GREB1L: variants seen among roughly 807,000 people sequenced by gnomAD.
GREB1L encodes the protein GREB1 like retinoic acid receptor coactivator.
GREB1L carries 17 observed loss-of-function variants against 200.8 expected under a neutral mutation model. The ratio of observed to expected loss-of-function variants is 0.08; its 90% confidence interval spans 0.06 to 0.13. GREB1L has a LOEUF of 0.13. GREB1L is among the 10% of genes least tolerant of loss of function. The pLI, the probability that GREB1L is intolerant of heterozygous loss-of-function variation, is 1.00. For missense variants in GREB1L, 1,657 were observed against 2,367.7 expected, an observed-to-expected ratio of 0.70 and a Z score of 6.23; for synonymous variants, 789 against 893.0, an observed-to-expected ratio of 0.88 and a Z score of 2.08.
chr18:21,491,173 G>T (rs1369381638), intron 19 of GREB1L, among the ~76,000 whole-genome samples: 2 of 152,168 alleles, frequency 1.3e-5, no homozygotes, highest in East Asian at 3.8e-4. Flanking sequence ...TGTCGGTATG[G>T]AACTGAGCTA....
chr18:21,359,628 C>T (rs2039554230), intron 1 of GREB1L, among the ~76,000 whole-genome samples: 4 of 152,166 alleles, frequency 2.6e-5, no homozygotes, highest in Non-Finnish European at 4.4e-5. Context: ...TGAGGAACTG[C>T]GTCTCATCTC....
chr18:21,347,563 C>G (rs940403027), intron 1 of GREB1L, among the ~76,000 whole-genome samples: 3 of 151,412 alleles, frequency 2.0e-5, no homozygotes, highest in Non-Finnish European at 4.4e-5. Context: ...TCAAACAATT[C>G]TCCTGCCTCA....
chr18:21,411,976 C>T (rs1200598518), intron 7 of GREB1L, among the ~76,000 whole-genome samples: 6 of 138,598 alleles, frequency 4.3e-5, no homozygotes, highest in African/African-American at 1.4e-4. Flanking sequence ...ACCCGGGAAG[C>T]GGAGCTTGCA....
In GREB1L at chr18:21,477,191, C is replaced by G. The variant is rs758423934; in HGVS notation, c.2391C>G (p.Ser797Arg). Reference protein sequence around the residue: ...TSVISGSLSHSEPSHGLADRV... With the variant: ...TSVISGSLSHREPSHGLADRV... ...TCATTTCAGGCTCTTTGTCACATAG[C>G]GAACCCAGTCATGGGCTAGCTGATA... The change falls in exon 17 of 33, where the codon AGC becomes AGG. Residue 797 changes from serine to arginine, a missense_variant. By Grantham distance (110) the Ser-to-Arg change is moderately radical. Around this residue, in one of 9 missense-constraint regions of GREB1L, gnomAD observed 239 missense variants for 421.8 expected, o/e 0.57. Transcript: ENST00000424526. The G allele has an allele frequency of 6.4e-7, 1 of 1,551,538 alleles. No individual in the cohort carries two copies. The highest frequency in any genetic ancestry group is 1.2e-5 in the South Asian group (1 of 83,948).
intron 7 of GREB1L, among the ~76,000 whole-genome samples, chr18:21,430,029 T>A (rs1022224869): frequency 6.6e-6 from 1 of 152,146 alleles, no homozygotes; most frequent in African/African-American, 2.4e-5. Context: ...TGGCCTTTCC[T>A]CTGTGTATGG....
intron 1 of GREB1L, among the ~76,000 whole-genome samples, chr18:21,329,104 GC>G (rs1019727021): frequency 1.3e-5 from 2 of 152,078 alleles, no homozygotes; most frequent in African/African-American, 4.8e-5. Flanking sequence ...CAGGCAGATT[GC>G]TTGAGGCTGG....
intron 1 of GREB1L, among the ~76,000 whole-genome samples, chr18:21,259,618 T>A (rs2037858079): frequency 6.6e-6 from 1 of 152,112 alleles, no homozygotes; most frequent in African/African-American, 2.4e-5. Flanking sequence ...AAGGTGTTTT[T>A]TGTCCTGTTT....
chr18:21,392,087 G>C (rs1009573858), intron 4 of GREB1L, among the ~76,000 whole-genome samples: 3 of 152,244 alleles, frequency 2.0e-5, no homozygotes, highest in Non-Finnish European at 2.9e-5. Context: ...TGGGATTACA[G>C]GCGTGAGCCA....
intron 1 of GREB1L, among the ~76,000 whole-genome samples, chr18:21,340,534 TTTTC>T: frequency 6.6e-6 from 1 of 152,026 alleles, no homozygotes; most frequent in South Asian, 2.1e-4. Context: ...AACCAAGATT[TTTTC>T]TTTCTTTTTT....
chr18:21,274,983 C>T (rs1490194134), intron 1 of GREB1L, among the ~76,000 whole-genome samples: 2 of 151,872 alleles, frequency 1.3e-5, no homozygotes, highest in Non-Finnish European at 2.9e-5. Context: ...TGGCTCATGC[C>T]TGTAATCCAG....
intron 1 of GREB1L, among the ~76,000 whole-genome samples, chr18:21,304,967 C>A (rs1434273526): frequency 6.6e-6 from 1 of 151,836 alleles, no homozygotes; most frequent in East Asian, 1.9e-4. Context: ...ATATACCCCT[C>A]CCTCCTGTGT....
At chr18:21,282,785 A>G (rs762693271) in intron 1 of GREB1L, among the ~76,000 whole-genome samples, 2 of 152,108 alleles carry the variant, frequency 1.3e-5, no homozygotes, top group Non-Finnish European at 2.9e-5. Context: ...TTTTTAGTAG[A>G]GGCAGGGTTT....
At chr18:21,517,978 C>T in intron 30 of GREB1L, 56 bp from the exon 31 acceptor site, 1 of 1,347,650 alleles carries the variant, frequency 7.4e-7, no homozygotes. Context: ...TGTTTCCTCA[C>T]CTGTTTAATC....
chr18:21,410,582 A>G (rs1206938107), intron 7 of GREB1L, among the ~76,000 whole-genome samples: 1 of 151,762 alleles, frequency 6.6e-6, no homozygotes, highest in African/African-American at 2.4e-5. Flanking sequence ...TTGAACCCAG[A>G]AGGCAGAGGT....
rs796109804 is a variant in GREB1L, at chr18:21,348,031, G to A, written c.-119-17996G>A. Among the ~76,000 whole-genome samples the A allele has an allele frequency of 1.7e-4, 22 of 130,766 alleles. 1 individual carries two copies. Among genetic ancestry groups the A allele is most frequent in the African/African-American group, 5.5e-4 (19 of 34,488 alleles). The allele number at this position is 130,766 out of a possible 152,430, so 85.8% of individuals were successfully genotyped here. A position where few individuals can be genotyped will look rare whatever the true frequency, so the allele number is the denominator to read the frequency against. ...ACGATCTTGGCTCACTGCAAACTCC[G>A]CCTCCCGGGTTCACGCCATTCTCCT... On this transcript the variant is annotated intron_variant, in intron 1 of 32. Transcript: ENST00000424526.
At chr18:21,387,262 T>TA (rs1446775192) in intron 4 of GREB1L, among the ~76,000 whole-genome samples, 1 of 152,348 alleles carries the variant, frequency 6.6e-6, no homozygotes, top group East Asian at 1.9e-4. Context: ...GTTTACTCTG[T>TA]AACCTTCAAG....
At chr18:21,408,717 C>A (rs2030586119) in intron 7 of GREB1L, among the ~76,000 whole-genome samples, 1 of 151,370 alleles carries the variant, frequency 6.6e-6, no homozygotes, top group African/African-American at 2.4e-5. Context: ...TCACTTGAAC[C>A]CGGCAGGTGG....
chr18:21,463,115 G>A (rs1797304834), intron 15 of GREB1L, among the ~76,000 whole-genome samples: 1 of 144,994 alleles, frequency 6.9e-6, no homozygotes, highest in Non-Finnish European at 1.5e-5. Flanking sequence ...AGAGCCGATA[G>A]GTAAATAGCT....
intron 1 of GREB1L, among the ~76,000 whole-genome samples, chr18:21,354,340 C>T (rs183031046): frequency 3.6e-4 from 55 of 152,172 alleles, no homozygotes; most frequent in Middle Eastern, 6.8e-3. Flanking sequence ...GCAGTCCCAA[C>T]ACTTAGGGAG....
Sources: gnomAD v4.1 joint callset for allele counts (sites outside exome capture counted in the v4.1 genomes callset) on GRCh38, gnomAD v4.1.1 for gene constraint, gnomAD v4.1.1 regional missense constraint, MANE v1.5 for transcripts, NCBI Gene and HGNC (gene_info 2026-07-23, HGNC 2026-07-21) for gene names.